UGGT2: variants seen among roughly 807,000 people sequenced by gnomAD.
UGGT2 encodes UDP-glucose glycoprotein glucosyltransferase 2, also known as UDP-glucose:glycoprotein glucosyltransferase 2.
UGGT2 carries 180 observed loss-of-function variants against 192.1 expected under a neutral mutation model. The observed-to-expected ratio is 0.94, with a 90% CI of 0.83 to 1.06. The LOEUF (loss-of-function observed/expected upper bound fraction) is 1.06. UGGT2 is among the 50% of genes least tolerant of loss of function. The probability of loss-of-function intolerance (pLI) is 0.00; values close to 1 mark genes in which losing one functional copy is unlikely to be tolerated. For synonymous variants in UGGT2, 580 were observed against 591.0 expected (o/e 0.98, Z 0.27); for missense variants, 1,849 against 1,795.7 (o/e 1.03, Z -0.54).
intron 17 of UGGT2, among the ~76,000 whole-genome samples, chr13:95,933,902 T>C (rs891890021): frequency 1.3e-5 from 2 of 152,142 alleles, no homozygotes; most frequent in African/African-American, 4.8e-5. Context: ...GCCAGGATGG[T>C]CTCGATCTCC....
At chr13:95,920,823 A>G (rs2048822036) in intron 20 of UGGT2, among the ~76,000 whole-genome samples, 1 of 152,234 alleles carries the variant, frequency 6.6e-6, no homozygotes, top group Non-Finnish European at 1.5e-5. Flanking sequence ...TGACCCAGCA[A>G]TCCCATTACT....
intron 36 of UGGT2, among the ~76,000 whole-genome samples, chr13:95,844,979 C>T (rs1199285005): frequency 6.6e-6 from 1 of 152,022 alleles, no homozygotes; most frequent in South Asian, 2.1e-4. Flanking sequence ...TTCTAGTGTG[C>T]TGAGAGTTTT....
chr13:95,912,914 A>G (rs887556849), intron 20 of UGGT2, among the ~76,000 whole-genome samples: 4 of 152,228 alleles, frequency 2.6e-5, no homozygotes, highest in African/African-American at 9.6e-5. Context: ...AACAGAACAG[A>G]GCCCTCAGAA....
At chr13:95,949,570 G>A in intron 12 of UGGT2, 116 bp from the exon 13 acceptor site, 1 of 1,041,354 alleles carries the variant, frequency 9.6e-7, no homozygotes, top group Middle Eastern at 3.7e-4. Flanking sequence ...CTATATTTCT[G>A]ATTAAATAGA....
chr13:95,832,895 G>T, intron 38 of UGGT2, 32 bp downstream of exon 38: 1 of 1,608,156 alleles, frequency 6.2e-7, no homozygotes. Flanking sequence ...TGCAACGCAT[G>T]TTTCAGACAT....
chr13:95,946,609 G>A (rs888914699), intron 15 of UGGT2, among the ~76,000 whole-genome samples: 4 of 152,070 alleles, frequency 2.6e-5, no homozygotes. Flanking sequence ...GGTCTCAAGC[G>A]ATCCTCCTGC....
In UGGT2 at chr13:95,965,355, T is replaced by G. The variant is rs1198457289; in HGVS notation, c.1335+4757A>C. 3.1e-3 allele frequency among the ~76,000 whole-genome samples: 462 copies of G among 150,986 alleles called. 1 individual carries two copies. The highest frequency in any genetic ancestry group is 0.011 in the African/African-American group (440 of 41,128). On this transcript the variant is annotated intron_variant, in intron 12 of 38. Coordinates refer to ENST00000376747, the MANE Select transcript of UGGT2 (RefSeq NM_020121.4). ...TGGAACCAACCCAAATGTCCAACAA[T>G]GATAGACTGGATTAAGAAAATGTGG... is the stretch of plus-strand genomic sequence containing the variant.
At chr13:95,858,602 G>A (rs891341350) in intron 33 of UGGT2, among the ~76,000 whole-genome samples, 1 of 152,104 alleles carries the variant, frequency 6.6e-6, no homozygotes, top group African/African-American at 2.4e-5. Flanking sequence ...TGTTAACTTT[G>A]TGTCTGGTCT....
chr13:95,901,003 T>G, intron 21 of UGGT2, 65 bp from the exon 22 acceptor site: 1 of 1,159,300 alleles, frequency 8.6e-7, no homozygotes, highest in Non-Finnish European at 1.1e-6. Flanking sequence ...ATCATTTTGT[T>G]TAAAAAACTA....
chr13:95,931,455 G>A (rs1314642627), intron 17 of UGGT2, among the ~76,000 whole-genome samples: 2 of 152,104 alleles, frequency 1.3e-5, no homozygotes, highest in East Asian at 3.9e-4. Context: ...CAGCCCTTGA[G>A]CGGTCAATGG....
chr13:96,015,745 A>T (rs2052316710), intron 4 of UGGT2, among the ~76,000 whole-genome samples: 1 of 152,240 alleles, frequency 6.6e-6, no homozygotes, highest in Admixed American at 6.5e-5. Context: ...ACTTACCTAG[A>T]GATTTTAGTT....
At chr13:95,840,648 C>G (rs1236819603) in intron 36 of UGGT2, among the ~76,000 whole-genome samples, 1 of 152,124 alleles carries the variant, frequency 6.6e-6, no homozygotes, top group Non-Finnish European at 1.5e-5. Flanking sequence ...TGTGGCAATT[C>G]CTCAAGGATC....
rs1044425182 is a variant in UGGT2 at position 95,836,356 on chromosome 13, G to A, written c.4401+730C>T. ...TAAGCCACCGTGCCCAGCCCTCTAA[G>A]CCTTTTTTTCAAAAGTCCTTTTGCA... On this transcript the variant is annotated intron_variant, in intron 37 of 38. Transcript: ENST00000376747. Among the ~76,000 whole-genome samples the A allele has an allele frequency of 3.3e-5, 5 of 152,258 alleles. No individual in the cohort carries two copies. The East Asian group carries it at 9.6e-4, about 29-fold the overall frequency.
At chr13:95,902,692 GTCATA>G in intron 21 of UGGT2, among the ~76,000 whole-genome samples, 157 bp downstream of exon 21, 1 of 152,064 alleles carries the variant, frequency 6.6e-6, no homozygotes, top group African/African-American at 2.4e-5. Flanking sequence ...TCTGTGCAGA[GTCATA>G]TCATTTAATG....
At chr13:95,981,039 T>A (rs916677372) in intron 10 of UGGT2, among the ~76,000 whole-genome samples, 1 of 152,138 alleles carries the variant, frequency 6.6e-6, no homozygotes, top group Non-Finnish European at 1.5e-5. Context: ...GGGCAGGATG[T>A]TTCTTTTATT....
intron 5 of UGGT2, among the ~76,000 whole-genome samples, chr13:96,005,067 C>T (rs1030515250): frequency 6.6e-6 from 1 of 152,046 alleles, no homozygotes; most frequent in Non-Finnish European, 1.5e-5. Context: ...AGTTTTATTA[C>T]TTCAATTAAA....
intron 20 of UGGT2, among the ~76,000 whole-genome samples, chr13:95,909,800 A>T (rs1280461170): frequency 2.5e-5 from 1 of 39,218 alleles, no homozygotes; most frequent in East Asian, 7.7e-4. Context: ...CCTGCCCACT[A>T]AAAAAAAAAA....
At chr13:95,951,966 G>A (rs774122044) in intron 12 of UGGT2, among the ~76,000 whole-genome samples, 2 of 151,796 alleles carry the variant, frequency 1.3e-5, no homozygotes, top group Non-Finnish European at 2.9e-5. Flanking sequence ...GCTGAGGCAG[G>A]AGAATCGCTT....
At position 95,925,727 on chromosome 13, in the gene UGGT2, C is replaced by G. The variant is rs772084682; in HGVS notation, c.2248G>C (p.Asp750His). Residue 750 changes from aspartate (D) to histidine (H), a missense_variant, in exon 20 of 39, where the codon GAT (aspartate) becomes CAT (histidine). Physicochemically the swap from Asp to His is moderately conservative, Grantham distance 81. Coordinates refer to ENST00000376747, the MANE Select transcript of UGGT2 (RefSeq NM_020121.4). Reference protein sequence around the residue: ...AVTLWIIADFDKPSGRKLLFN... With the variant: ...AVTLWIIADFHKPSGRKLLFN... ...AGAAGTTTTCTCCCAGAAGGCTTATCAAAATCTGCAATAATCCAGAGAGTG... is the reference window on the plus strand; with the variant it reads ...AGAAGTTTTCTCCCAGAAGGCTTATGAAAATCTGCAATAATCCAGAGAGTG... 3.8e-6 allele frequency: 6 copies of G among 1,580,590 alleles called. No homozygotes were observed. In the South Asian group the frequency reaches 7.1e-5, roughly 19 times the overall value.
Sources: gnomAD v4.1 joint callset for allele counts (sites outside exome capture counted in the v4.1 genomes callset) on GRCh38, gnomAD v4.1.1 for gene constraint, MANE v1.5 for transcripts, NCBI Gene and HGNC (gene_info 2026-07-23, HGNC 2026-07-21) for gene names.